The following RBBP8NL variants were observed in gnomAD, a reference collection of about 807,000 sequenced individuals.
RBBP8NL encodes the protein RBBP8 N-terminal like.
A neutral mutation model predicts 62.2 loss-of-function variants in RBBP8NL; 59 were observed. The ratio of observed to expected loss-of-function variants is 0.95; its 90% CI spans 0.77 to 1.18. The LOEUF (loss-of-function observed/expected upper bound fraction) is 1.18. Ranked by LOEUF, RBBP8NL falls within the 50% of genes most tolerant of loss-of-function variation. RBBP8NL has a pLI of 0.00. For synonymous variants in RBBP8NL, 412 were observed against 394.1 expected (o/e 1.05, Z -0.54); for missense variants, 896 against 899.5 (o/e 1.00, Z 0.05).
At chr20:62,419,398 A>G (rs1988650991) in intron 2 of RBBP8NL, among the ~76,000 whole-genome samples, 189 bp downstream of exon 2, 1 of 152,094 alleles carries the variant, frequency 6.6e-6, no homozygotes, top group Non-Finnish European at 1.5e-5. Context: ...GGGCCCAGGC[A>G]GGGTGTCTGC....
In RBBP8NL at chr20:62,413,827, A is replaced by T; in HGVS notation, c.1524T>A (p.Thr508=). 2 of 1,595,798 alleles carry T rather than the reference A, an allele frequency of 1.3e-6. No homozygotes were observed. The highest frequency in any genetic ancestry group is 1.7e-6 in the Non-Finnish European group (2 of 1,172,706). ...TRVPEQEEAS[T]PMDPSRPLPG... is the part of the protein sequence containing the mutation. ...CCAGGACCGGGCTCCTTACCATGGG[A>T]GTGGAAGCCTCCTCCTGCTCTGGCA... is the stretch of plus-strand genomic sequence containing the variant. Residue 508 remains threonine (T), a synonymous_variant, in exon 10 of 14, where the codon ACT becomes ACA. Coordinates refer to ENST00000252998, the MANE Select transcript of RBBP8NL (RefSeq NM_080833.3).
chr20:62,423,502 C>T (rs80176306), intron 1 of RBBP8NL, among the ~76,000 whole-genome samples: 6,488 of 152,312 alleles, frequency 0.043, 211 homozygotes, highest in African/African-American at 0.084. Flanking sequence ...GCTCCTGAAA[C>T]TCCCCCCAGA....
In RBBP8NL at chr20:62,410,834, T is replaced by G. The variant is rs1329390684; in HGVS notation, c.*44A>C. On this transcript the variant is annotated 3_prime_UTR_variant, in exon 14 of 14. Transcript: ENST00000252998. ...CCCTCTCCAGGCCCTGGTGGGCAGG[T>G]GGAGGGCTGCCCCGGGCTCGCTGTG... is the stretch of plus-strand genomic sequence containing the variant. The G allele has an allele frequency of 7.4e-7, 1 of 1,360,318 alleles. No individual in the cohort carries two copies. Among genetic ancestry groups the G allele is most frequent in the Non-Finnish European group, 1.0e-6 (1 of 958,520 alleles). The allele number at this position is 1,360,318 out of a possible 1,614,324, so 84.3% of individuals were successfully genotyped here.
Position 62,418,846 on chromosome 20 carries a change from C to A in RBBP8NL, c.62-381G>T, listed in dbSNP as rs146915356. 3.8e-3 allele frequency among the ~76,000 whole-genome samples: 573 copies of A among 152,266 alleles called. 5 individuals are homozygous for A. The highest frequency in any genetic ancestry group is 0.013 in the African/African-American group (539 of 41,540). On this transcript the variant is annotated intron_variant, in intron 2 of 13. Coordinates refer to ENST00000252998, the MANE Select transcript of RBBP8NL (RefSeq NM_080833.3). ...GATAAGCTTCTGGGGCGGACCCCAC[C>A]AGACCCTCTCCTTGCCGTATCTTGG...
intron 2 of RBBP8NL, 28 bp from the exon 3 acceptor site, chr20:62,418,493 G>T: frequency 1.3e-6 from 2 of 1,541,450 alleles, no homozygotes; most frequent in South Asian, 1.2e-5. Flanking sequence ...GGGGCGGGGG[G>T]TCAGGCCCAG....
chr20:62,415,704 G>A (rs1988546474), intron 7 of RBBP8NL, 44 bp from the exon 8 acceptor site: 2 of 1,609,870 alleles, frequency 1.2e-6, no homozygotes, highest in Non-Finnish European at 1.7e-6. Context: ...GAGGTGCTCA[G>A]AGGGGCAGCG....
intron 1 of RBBP8NL, among the ~76,000 whole-genome samples, chr20:62,423,025 T>A (rs4925233): frequency 6.6e-6 from 1 of 151,706 alleles, no homozygotes; most frequent in Admixed American, 6.6e-5. Flanking sequence ...GGGGCTTTCC[T>A]GGTGGGAGGC....
Position 62,414,470 on chromosome 20 carries a change from C to T in RBBP8NL, c.881G>A (p.Arg294His), listed in dbSNP as rs954182600. The T allele has an allele frequency of 1.1e-5, 16 of 1,479,600 alleles. No individual in the cohort carries two copies. Among genetic ancestry groups the T allele is most frequent in the African/African-American group, 8.4e-5 (6 of 71,430 alleles). The allele number at this position is 1,479,600 out of a possible 1,614,324, so 91.7% of individuals were successfully genotyped here. A position where few individuals can be genotyped will look rare whatever the true frequency, so the allele number is the denominator to read the frequency against. ...PKVDRLCLLN[R>H]PLSLHLQSPH... is the part of the protein sequence containing the mutation. ...GCTCTGAAGGTGCAGGGACAGGGGG[C>T]GGTTTAGGAGGCAGAGCCGGTCCAC... The change falls in exon 10 of 14, where the codon CGC becomes CAC. Residue 294 changes from arginine (R) to histidine (H), a missense_variant. Transcript: ENST00000252998.
At chr20:62,423,503 T>TC (rs1243376042) in intron 1 of RBBP8NL, among the ~76,000 whole-genome samples, 3 of 151,668 alleles carry the variant, frequency 2.0e-5, no homozygotes, top group African/African-American at 7.3e-5. Context: ...CTCCTGAAAC[T>TC]CCCCCCAGAC....
Position 62,416,791 on chromosome 20 carries a change from G to A in RBBP8NL, c.282C>T (p.His94=). ...TGAAGATGCGCTGCAGGTTCTGCAG[G>A]TGGGAGCTCTCGAACTCCTGCTGCC... ...RKRQQEFESS[H]LQNLQRIFIL... is the part of the protein sequence containing the mutation. The change falls in exon 5 of 14, where the codon CAC becomes CAT. Residue 94 remains histidine, a synonymous_variant. Transcript: ENST00000252998. 6 of 1,590,748 alleles carry A rather than the reference G, an allele frequency of 3.8e-6. No individual in the cohort carries two copies. Among genetic ancestry groups the A allele is most frequent in the South Asian group, 1.1e-5 (1 of 87,630 alleles).
In RBBP8NL at chr20:62,425,224, C is replaced by A. The variant is rs548160122; in HGVS notation, c.-84+2236G>T. ...CGATTCACCTGCGCCTCCCTCATGA[C>A]CTGCGCCTCCCTCATGTGGGACCCC... is the stretch of plus-strand genomic sequence containing the variant. On this transcript the variant is annotated intron_variant, in intron 1 of 13. Transcript: ENST00000252998. Among the ~76,000 whole-genome samples, 15 of 152,332 alleles carry A rather than the reference C, an allele frequency of 9.8e-5. No individual in the cohort carries two copies. The South Asian group carries it at 2.7e-3, about 27-fold the overall frequency.
At position 62,415,566 on chromosome 20, in the gene RBBP8NL, C is replaced by T; in HGVS notation, c.627+12G>A. ...CAGCTGCACATGGTGGGCTCCCGGT[C>T]CCTGCCCTTACCATGTCTGGGGCTC... On this transcript the variant is annotated intron_variant, in intron 8 of 13. Transcript: ENST00000252998. 4 of 1,612,448 alleles carry T rather than the reference C, an allele frequency of 2.5e-6. No individual in the cohort carries two copies. The highest frequency in any genetic ancestry group is 2.2e-5 in the South Asian group (2 of 91,046).
At position 62,413,548 on chromosome 20, in the gene RBBP8NL, G is replaced by C. The variant is rs757314233; in HGVS notation, c.1531-3C>G. On this transcript the variant is annotated splice_region_variant and splice_polypyrimidine_tract_variant and intron_variant, in intron 10 of 13. Transcript: ENST00000252998. ...CCTGGAAGTGGGCGTGAGGGGTCCT[G>C]GGGGGAGGCAAGTAGGTGGCTTGAG... The C allele has an allele frequency of 6.6e-7, 1 of 1,520,482 alleles. No homozygotes were observed. The highest frequency in any genetic ancestry group is 1.3e-5 in the South Asian group (1 of 77,120). 94.2% of individuals were successfully genotyped at this position (1,520,482 alleles called of 1,614,324 possible). A position where few individuals can be genotyped will look rare whatever the true frequency, so the allele number is the denominator to read the frequency against.
chr20:62,412,599 TG>T (rs1569023096), intron 13 of RBBP8NL, 24 bp downstream of exon 13: 1 of 1,599,326 alleles, frequency 6.3e-7, no homozygotes, highest in African/African-American at 1.3e-5. Context: ...CCCCCTTCCC[TG>T]CACCTGCCCC....
rs112739375 is a variant in RBBP8NL, at chr20:62,416,173, C to G, written c.377G>C (p.Arg126Pro). The G allele has an allele frequency of 1.9e-6, 3 of 1,612,444 alleles. No individual in the cohort carries two copies. Among genetic ancestry groups the G allele is most frequent in the Admixed American group, 3.3e-5 (2 of 59,894 alleles). The change falls in exon 6 of 14, where the codon CGG becomes CCG. Residue 126 changes from arginine to proline, a missense_variant. Physicochemically the swap from Arg to Pro is moderately radical, Grantham distance 103. Coordinates refer to ENST00000252998, the MANE Select transcript of RBBP8NL (RefSeq NM_080833.3). ...ETLKEEVKRLRGLGDRPKPRA... is the reference protein window; with the variant it reads ...ETLKEEVKRLPGLGDRPKPRA... ...ACCCTTTCCCACTCACCCCAGGCCCCGAAGCCGCTTCACCTCCTCCTTCAA... is the reference window on the plus strand; with the variant it reads ...ACCCTTTCCCACTCACCCCAGGCCCGGAAGCCGCTTCACCTCCTCCTTCAA...
At chr20:62,418,338 G>A in intron 3 of RBBP8NL, 85 bp downstream of exon 3, 7 of 1,264,578 alleles carry the variant, frequency 5.5e-6, no homozygotes, top group Non-Finnish European at 7.9e-6. Flanking sequence ...ATAGGACGGT[G>A]GTAGTGCTGG....
In RBBP8NL at chr20:62,417,434, G is replaced by GCTGGATCCTGCTCA. The variant is rs1988595060; in HGVS notation, c.105-116_105-115insTGAGCAGGATCCAG. The GCTGGATCCTGCTCA allele has an allele frequency of 1.7e-5, 13 of 769,068 alleles. No individual in the cohort carries two copies. In the African/African-American group the frequency reaches 1.8e-4, roughly 10 times the overall value. The allele number at this position is 769,068 out of a possible 1,614,324, so 47.6% of individuals were successfully genotyped here. On this transcript the variant is annotated intron_variant, in intron 3 of 13. Transcript: ENST00000252998. ...TCGGCACCTGCAGCCTTGGTCTGGG[G>GCTGGATCCTGCTCA]GCAACGCCTAACCCGGTGCCCCCCT...
chr20:62,410,445 A>C lies in RBBP8NL; in HGVS notation c.*433T>G. The C allele has an allele frequency of 1.2e-5, 2 of 162,052 alleles. No homozygotes were observed. The highest frequency in any genetic ancestry group is 1.3e-5 in the Non-Finnish European group (1 of 74,530). The allele number at this position is 162,052 out of a possible 1,614,324, so 10.0% of individuals were successfully genotyped here. A position where few individuals can be genotyped will look rare whatever the true frequency, so the allele number is the denominator to read the frequency against. ...CCCAGAGCGTGGGCACTGCCTGGGA[A>C]CGGCTGCAGTGCACAGCAGGGGTAG... On this transcript the variant is annotated 3_prime_UTR_variant, in exon 14 of 14. Coordinates refer to ENST00000252998, the MANE Select transcript of RBBP8NL (RefSeq NM_080833.3).
intron 1 of RBBP8NL, among the ~76,000 whole-genome samples, chr20:62,424,949 A>G (rs140881735): frequency 0.013 from 1,853 of 143,912 alleles, 17 homozygotes; most frequent in Non-Finnish European, 0.019. Flanking sequence ...TGCTGGCTGG[A>G]GAGTCAGTCT....
Sources: allele counts gnomAD v4.1 joint callset (sites outside exome capture counted in the v4.1 genomes callset), GRCh38; gene constraint gnomAD v4.1.1; transcripts MANE v1.5; gene names NCBI Gene and HGNC (gene_info 2026-07-23, HGNC 2026-07-21).